Variants in PROCR observed in about 807,000 individuals in gnomAD.
PROCR encodes protein C receptor.
In PROCR, 22 loss-of-function variants were observed where a neutral mutation model predicts 24.2. The observed-to-expected ratio is 0.91, with a 90% confidence interval of 0.65 to 1.30. PROCR has a LOEUF of 1.30. Ranked by LOEUF, PROCR falls within the 50% of genes most tolerant of loss-of-function variation. The pLI is 0.00. For synonymous variants in PROCR, 137 were observed against 139.2 expected (o/e 0.98, Z 0.11); for missense variants, 288 against 307.7 (o/e 0.94, Z 0.48).
chr20:35,172,129 C>CCCAGGT lies in PROCR; in HGVS notation c.-23_-18dup. On this transcript the variant is annotated 5_prime_UTR_variant, in exon 1 of 4. Coordinates refer to ENST00000216968, the MANE Select transcript of PROCR (RefSeq NM_006404.5). ...GCCCGCAGCCGGCCCGAGCCAGGAA[C>CCCAGGT]CCAGGTCCGGAGCCTCAACTTCAGG... 1 of 1,613,432 alleles carries CCCAGGT rather than the reference C, an allele frequency of 6.2e-7. No individual in the cohort carries two copies. The highest frequency in any genetic ancestry group is 8.5e-7 in the Non-Finnish European group (1 of 1,179,346).
intron 1 of PROCR, among the ~76,000 whole-genome samples, chr20:35,213,084 A>G (rs573624707): frequency 6.6e-6 from 1 of 152,190 alleles, no homozygotes; most frequent in Non-Finnish European, 1.5e-5. Context: ...TAATCCCAGC[A>G]CTTTGGGAGG....
At chr20:35,173,992 G>A (rs1004041960) in intron 1 of PROCR, among the ~76,000 whole-genome samples, 7 of 152,182 alleles carry the variant, frequency 4.6e-5, no homozygotes, top group African/African-American at 1.2e-4. Context: ...GACTGCCTAC[G>A]TGCAAACCTT....
At chr20:35,177,527 C>T (rs898798051), downstream of PROCR, among the ~76,000 whole-genome samples, 1 of 140,908 alleles carries the variant, frequency 7.1e-6, no homozygotes, top group Non-Finnish European at 1.5e-5. Flanking sequence ...CAGCTCACTG[C>T]AACCTCTGCC....
rs1048057648 is a variant in PROCR, at chr20:35,174,570, G to A, written c.71-132G>A. On this transcript the variant is annotated intron_variant, in intron 1 of 3. Transcript: ENST00000216968. Reference sequence around the variant, plus strand: ...CTGTCAGCGTCAAACGGGAGAAGCGGTGGGAGGGCACATTATAGTTTATGA... The same window carrying A: ...CTGTCAGCGTCAAACGGGAGAAGCGATGGGAGGGCACATTATAGTTTATGA... The A allele has an allele frequency of 1.1e-5, 12 of 1,118,202 alleles. No homozygotes were observed. The African/African-American group carries it at 1.4e-4, about 13-fold the overall frequency. 69.3% of individuals were successfully genotyped at this position (1,118,202 alleles called of 1,614,324 possible).
At chr20:35,180,447 G>A (rs2086067131), downstream of PROCR, among the ~76,000 whole-genome samples, 1 of 152,196 alleles carries the variant, frequency 6.6e-6, no homozygotes, top group African/African-American at 2.4e-5. Flanking sequence ...TAAAAGTTCG[G>A]TCATTTTGGC....
At chr20:35,200,645 A>G (rs1020367018) in intron 1 of PROCR, among the ~76,000 whole-genome samples, 5 of 152,108 alleles carry the variant, frequency 3.3e-5, no homozygotes, top group African/African-American at 1.2e-4. Flanking sequence ...CACAACTTTT[A>G]TTTATTATTG....
intron 1 of PROCR, among the ~76,000 whole-genome samples, chr20:35,210,782 G>A (rs973962341): frequency 1.3e-5 from 2 of 148,164 alleles, no homozygotes; most frequent in East Asian, 2.0e-4. Context: ...GTGTGATCTC[G>A]GCTCACTGCA....
intron 1 of PROCR, 117 bp from the exon 2 acceptor site, chr20:35,174,585 A>T: frequency 7.7e-7 from 1 of 1,292,802 alleles, no homozygotes; most frequent in Non-Finnish European, 1.1e-6. Flanking sequence ...AGGGCACATT[A>T]TAGTTTATGA....
At chr20:35,175,151 C>A (rs1600733792) in intron 2 of PROCR, among the ~76,000 whole-genome samples, 198 bp downstream of exon 2, 1 of 151,972 alleles carries the variant, frequency 6.6e-6, no homozygotes, top group Admixed American at 6.6e-5. Flanking sequence ...GCTAAGAAAG[C>A]CCCGACTCGG....
chr20:35,201,544 C>T (rs1484390522), intron 1 of PROCR, among the ~76,000 whole-genome samples: 6 of 151,944 alleles, frequency 3.9e-5, no homozygotes, highest in South Asian at 2.1e-4. Flanking sequence ...AAAAATTAGC[C>T]GGGCAAGGTG....
At chr20:35,179,895 CCT>C (rs2086061677), downstream of PROCR, among the ~76,000 whole-genome samples, 1 of 152,174 alleles carries the variant, frequency 6.6e-6, no homozygotes, top group Non-Finnish European at 1.5e-5. Flanking sequence ...TATCATAATT[CCT>C]CTCTTTCTTT....
chr20:35,178,170 G>A (rs535224188), downstream of PROCR, among the ~76,000 whole-genome samples: 4 of 151,954 alleles, frequency 2.6e-5, no homozygotes, highest in East Asian at 2.0e-4. Context: ...TTGGGAGGCC[G>A]AGGCGAGAGG....
In PROCR at chr20:35,203,296, C is replaced by G. The variant is rs548821060; in HGVS notation, c.95-12597C>G. The G allele has an allele frequency of 2.6e-5, 4 of 151,814 alleles. No individual in the cohort carries two copies. In the South Asian group the frequency reaches 6.3e-4, roughly 24 times the overall value. 9.4% of individuals were successfully genotyped at this position (151,814 alleles called of 1,614,324 possible). ...TAAGAAATCAATAATAGAAAACTCC[C>G]CCAGCCTGACCAACATGGCAAAACC... On this transcript the variant is annotated intron_variant, in intron 1 of 1. Transcript: ENST00000634509.
intron 1 of PROCR, chr20:35,202,487 G>A (rs1016814478): frequency 1.6e-5 from 2 of 124,600 alleles, no homozygotes; most frequent in African/African-American, 2.6e-5. Context: ...TTATCGGATT[G>A]GAAAAAGAAA....
Position 35,192,664 on chromosome 20 carries a change from ACTTTC to A in PROCR, c.94+16220_94+16224del, listed in dbSNP as rs563102381. On this transcript the variant is annotated intron_variant, in intron 1 of 1. Coordinates refer to the PROCR transcript ENST00000634509. ...GTGAAGTTTGGCAGTTACCCAGGAG[ACTTTC>A]CCCCCACCTCCCTCTGTACCCAAGC... is the stretch of plus-strand genomic sequence containing the variant. Among the ~76,000 whole-genome samples the A allele has an allele frequency of 1.4e-3, 210 of 152,086 alleles. 2 individuals are homozygous for A. The highest frequency in any genetic ancestry group is 0.012 in the Admixed American group (188 of 15,266).
intron 1 of PROCR, among the ~76,000 whole-genome samples, chr20:35,204,177 A>G (rs1179043084): frequency 6.6e-6 from 1 of 152,214 alleles, no homozygotes; most frequent in East Asian, 1.9e-4. Flanking sequence ...GACAACTTAG[A>G]GGAAATGGAC....
At position 35,198,147 on chromosome 20, in the gene PROCR, C is replaced by G. The variant is rs550751022; in HGVS notation, c.95-17746C>G. On this transcript the variant is annotated intron_variant, in intron 1 of 1. Coordinates refer to the PROCR transcript ENST00000634509. ...AAAAAAAAAAAATACAAAAAATTAG[C>G]TGGGCATAGTAGCGGGTGCCTGTAG... is the stretch of plus-strand genomic sequence containing the variant. Among the ~76,000 whole-genome samples the G allele has an allele frequency of 3.5e-3, 527 of 151,562 alleles. 2 individuals carry two copies. The highest frequency in any genetic ancestry group is 6.0e-3 in the Non-Finnish European group (408 of 67,894).
chr20:35,172,265 A>G, intron 1 of PROCR, 41 bp downstream of exon 1: 2 of 1,603,144 alleles, frequency 1.2e-6, no homozygotes, highest in Non-Finnish European at 1.7e-6. Context: ...ATGGTTCTGG[A>G]GAATCTCAGT....
At chr20:35,198,714 G>A (rs2060308311) in intron 1 of PROCR, among the ~76,000 whole-genome samples, 1 of 151,750 alleles carries the variant, frequency 6.6e-6, no homozygotes, top group South Asian at 2.1e-4. Context: ...ATGCCATCAA[G>A]GACTTTTTTT....
Sources: gnomAD v4.1 joint callset for allele counts (sites outside exome capture counted in the v4.1 genomes callset) on GRCh38, gnomAD v4.1.1 for gene constraint, MANE v1.5 for transcripts, NCBI Gene and HGNC (gene_info 2026-07-23, HGNC 2026-07-21) for gene names.